DLGAP4: variants seen among roughly 807,000 people sequenced by gnomAD.
The protein encoded by DLGAP4 is disks large-associated protein 4.
Under a neutral mutation model 86.9 loss-of-function variants are expected in DLGAP4, and 18 were observed. The observed-to-expected ratio is 0.21, with a 90% CI of 0.14 to 0.31. DLGAP4 has a LOEUF of 0.31. Among genes scored for constraint, DLGAP4 ranks in the 10% least tolerant of loss-of-function variants. DLGAP4 has a pLI of 1.00. For synonymous variants in DLGAP4, 548 were observed against 574.3 expected, an observed-to-expected ratio of 0.95 and a Z score of 0.65; for missense variants, 1,085 against 1,362.6, an observed-to-expected ratio of 0.80 and a Z score of 3.21.
chr20:36,311,906 C>T (rs1348555465), intron 1 of DLGAP4, among the ~76,000 whole-genome samples: 1 of 152,194 alleles, frequency 6.6e-6, no homozygotes, highest in Non-Finnish European at 1.5e-5. Context: ...CCCGTTTGTT[C>T]CACAGCAAGC....
At chr20:36,372,205 C>G (rs2030968104) in intron 2 of DLGAP4, among the ~76,000 whole-genome samples, 2 of 152,218 alleles carry the variant, frequency 1.3e-5, no homozygotes, top group Admixed American at 1.3e-4. Context: ...GCTTGCATCC[C>G]TGACGGTGCT....
intron 1 of DLGAP4, among the ~76,000 whole-genome samples, chr20:36,332,535 G>A (rs902113975): frequency 1.3e-5 from 2 of 151,708 alleles, no homozygotes; most frequent in Non-Finnish European, 2.9e-5. Flanking sequence ...GACTACAGGC[G>A]CCCGCCACTG....
intron 7 of DLGAP4, among the ~76,000 whole-genome samples, chr20:36,456,060 C>G (rs931646564): frequency 3.3e-5 from 5 of 152,198 alleles, no homozygotes; most frequent in African/African-American, 1.2e-4. Context: ...AAGAAAGGTG[C>G]CACCATCGAT....
chr20:36,337,518 G>A (rs1042177823), intron 1 of DLGAP4, among the ~76,000 whole-genome samples: 3 of 152,202 alleles, frequency 2.0e-5, no homozygotes, highest in Non-Finnish European at 4.4e-5. Context: ...GGCCTGAGAG[G>A]GCTGGGTCTG....
chr20:36,461,387 C>T (rs1223517742), intron 7 of DLGAP4: 4 of 921,538 alleles, frequency 4.3e-6, no homozygotes, highest in Admixed American at 6.4e-5. Context: ...GAGTCCCTGA[C>T]GACGCGCGCG....
At chr20:36,358,691 C>A (rs1555894016) in intron 1 of DLGAP4, among the ~76,000 whole-genome samples, 1 of 152,006 alleles carries the variant, frequency 6.6e-6, no homozygotes, top group Non-Finnish European at 1.5e-5. Context: ...GCCTGTAGTC[C>A]CAGCTACTCG....
At chr20:36,349,901 C>G (rs2030091875) in intron 1 of DLGAP4, among the ~76,000 whole-genome samples, 1 of 152,146 alleles carries the variant, frequency 6.6e-6, no homozygotes, top group African/African-American at 2.4e-5. Context: ...TCGCCGCGTC[C>G]CAGGGGATGG....
chr20:36,484,552 C>A (rs1279498637), intron 7 of DLGAP4, among the ~76,000 whole-genome samples: 1 of 152,256 alleles, frequency 6.6e-6, no homozygotes, highest in Non-Finnish European at 1.5e-5. Flanking sequence ...ATACAGCTCT[C>A]CTGCCACCTG....
intron 7 of DLGAP4, among the ~76,000 whole-genome samples, chr20:36,465,790 T>G (rs2034323672): frequency 1.3e-5 from 2 of 152,110 alleles, no homozygotes; most frequent in Non-Finnish European, 1.5e-5. Context: ...TCATCGTGGT[T>G]CTGTATGTAT....
At chr20:36,499,250 T>C (rs1366088600) in intron 8 of DLGAP4, 2 of 1,613,340 alleles carry the variant, frequency 1.2e-6, no homozygotes. Context: ...AGGAGAGGAC[T>C]AGAAGGAACG....
intron 2 of DLGAP4, among the ~76,000 whole-genome samples, chr20:36,372,226 T>C (rs956220646): frequency 1.3e-5 from 2 of 152,246 alleles, no homozygotes; most frequent in African/African-American, 2.4e-5. Flanking sequence ...GCTGCTGTTA[T>C]GACTGTGACT....
chr20:36,457,580 T>C (rs554151510), intron 7 of DLGAP4, among the ~76,000 whole-genome samples: 30 of 151,656 alleles, frequency 2.0e-4, no homozygotes, highest in Admixed American at 1.8e-3. Flanking sequence ...GGGGTTTCAC[T>C]ATGTTGGCCA....
At chr20:36,360,474 G>T (rs2030479718) in intron 1 of DLGAP4, among the ~76,000 whole-genome samples, 1 of 152,158 alleles carries the variant, frequency 6.6e-6, no homozygotes, top group African/African-American at 2.4e-5. Context: ...GCAGACTCCT[G>T]TTCACCTGCC....
chr20:36,424,279 G>T (rs2032912707), intron 2 of DLGAP4, among the ~76,000 whole-genome samples: 1 of 152,184 alleles, frequency 6.6e-6, no homozygotes, highest in South Asian at 2.1e-4. Context: ...CTTTAGGGTT[G>T]TTCTGAATTG....
chr20:36,376,960 C>T (rs970976168), intron 2 of DLGAP4, among the ~76,000 whole-genome samples: 1 of 152,120 alleles, frequency 6.6e-6, no homozygotes, highest in African/African-American at 2.4e-5. Context: ...TTACCACGGT[C>T]CAGGGGCAGA....
rs1600504104 is a variant in DLGAP4, at chr20:36,418,147, C to G, written c.-72-13499C>G. Among the ~76,000 whole-genome samples the G allele has an allele frequency of 1.3e-5, 2 of 151,338 alleles. 1 individual carries two copies. The highest frequency in any genetic ancestry group is 6.9e-3 in the Middle Eastern group (2 of 290). ...TGTATGTTTCAGAGGGAGTCTCGCT[C>G]TTGCCGTCCAGGCTGGAGTACAATG... On this transcript the variant is annotated intron_variant, in intron 2 of 12. Transcript: ENST00000339266.
At chr20:36,328,389 C>A (rs2065236881) in intron 1 of DLGAP4, among the ~76,000 whole-genome samples, 1 of 151,528 alleles carries the variant, frequency 6.6e-6, no homozygotes. Context: ...CAGAGTCACC[C>A]TAGAAGCTAA....
intron 2 of DLGAP4, among the ~76,000 whole-genome samples, chr20:36,420,325 G>C (rs1182093763): frequency 6.6e-6 from 1 of 152,210 alleles, no homozygotes; most frequent in Non-Finnish European, 1.5e-5. Context: ...ACGAGGAGCT[G>C]CTTTGGACAG....
intron 7 of DLGAP4, among the ~76,000 whole-genome samples, chr20:36,475,875 T>C (rs890616409): frequency 3.9e-5 from 6 of 152,142 alleles, no homozygotes; most frequent in African/African-American, 1.4e-4. Context: ...TTTTGTTTGT[T>C]TTGAGACAGA....
Sources: gnomAD v4.1 joint callset for allele counts (sites outside exome capture counted in the v4.1 genomes callset) on GRCh38, gnomAD v4.1.1 for gene constraint, MANE v1.5 for transcripts, NCBI Gene and HGNC (gene_info 2026-07-23, HGNC 2026-07-21) for gene names.